HNRNPC: variants seen among roughly 807,000 people sequenced by gnomAD.
HNRNPC encodes heterogeneous nuclear ribonucleoproteins C1/C2.
Under a neutral mutation model 33.2 loss-of-function variants are expected in HNRNPC, and 3 were observed. The observed-to-expected ratio is 0.09, with a 90% CI of 0.04 to 0.23. The LOEUF (loss-of-function observed/expected upper bound fraction) is 0.23, where lower values mean the gene tolerates loss of function less well. HNRNPC is among the 10% of genes least tolerant of loss of function. The pLI, the probability that HNRNPC is intolerant of heterozygous loss-of-function variation, is 1.00. For synonymous variants in HNRNPC, 121 were observed against 126.7 expected, an observed-to-expected ratio of 0.96 and a Z score of 0.30; for missense variants, 143 against 366.7, an observed-to-expected ratio of 0.39 and a Z score of 4.98.
At chr14:21,260,680 T>G (rs1878083634) in intron 2 of HNRNPC, among the ~76,000 whole-genome samples, 1 of 151,814 alleles carries the variant, frequency 6.6e-6, no homozygotes, top group East Asian at 1.9e-4. Flanking sequence ...TAGAAAAATT[T>G]AAGGCCAGGT....
chr14:21,235,085 T>C (rs1894540543), intron 2 of HNRNPC, among the ~76,000 whole-genome samples: 1 of 152,158 alleles, frequency 6.6e-6, no homozygotes, highest in East Asian at 1.9e-4. Flanking sequence ...TATCTGTCTT[T>C]ATGTATGTGA....
At chr14:21,236,176 G>A (rs1486426136) in intron 2 of HNRNPC, among the ~76,000 whole-genome samples, 2 of 151,994 alleles carry the variant, frequency 1.3e-5, no homozygotes, top group Non-Finnish European at 2.9e-5. Flanking sequence ...GATCCACAAA[G>A]GAAAAACTCA....
At chr14:21,234,456 C>A (rs961310944) in intron 2 of HNRNPC, among the ~76,000 whole-genome samples, 1 of 152,018 alleles carries the variant, frequency 6.6e-6, no homozygotes, top group Admixed American at 6.6e-5. Flanking sequence ...TTCAGCAGCA[C>A]TAAACTCTAA....
intron 5 of HNRNPC, among the ~76,000 whole-genome samples, chr14:21,223,537 TCA>T (rs1294889942): frequency 1.3e-5 from 2 of 152,124 alleles, no homozygotes; most frequent in East Asian, 3.9e-4. Context: ...TCACTTGAGC[TCA>T]GGAGTTCAAG....
In HNRNPC at chr14:21,211,102, G is replaced by A. The variant is rs1218537816; in HGVS notation, c.*121C>T. On this transcript the variant is annotated 3_prime_UTR_variant, in exon 9 of 9. Transcript: ENST00000553300. ...TAATGAACATGGGAAGGACAAGGAT[G>A]GGGAGAACAGTGAGCATGTGCTGAA... 4 of 1,085,290 alleles carry A rather than the reference G, an allele frequency of 3.7e-6. No individual in the cohort carries two copies. Among genetic ancestry groups the A allele is most frequent in the Non-Finnish European group, 5.5e-6 (4 of 728,348 alleles). 67.2% of individuals were successfully genotyped at this position (1,085,290 alleles called of 1,614,324 possible).
intron 5 of HNRNPC, among the ~76,000 whole-genome samples, chr14:21,225,442 A>G (rs1893314159): frequency 6.7e-6 from 1 of 149,394 alleles, no homozygotes; most frequent in African/African-American, 2.4e-5. Flanking sequence ...AAAAAAAGGA[A>G]AAAAAAAAAC....
intron 2 of HNRNPC, among the ~76,000 whole-genome samples, chr14:21,243,177 G>C (rs934140276): frequency 6.6e-6 from 1 of 152,148 alleles, no homozygotes; most frequent in African/African-American, 2.4e-5. Context: ...TTTTTATCTA[G>C]ATAATTTTAC....
chr14:21,235,974 G>A (rs1894653877), intron 2 of HNRNPC, among the ~76,000 whole-genome samples: 1 of 152,150 alleles, frequency 6.6e-6, no homozygotes, highest in Non-Finnish European at 1.5e-5. Context: ...AAATACAGAT[G>A]TGATTGAAAG....
chr14:21,246,154 A>G (rs1895956136), intron 2 of HNRNPC, among the ~76,000 whole-genome samples: 1 of 152,110 alleles, frequency 6.6e-6, no homozygotes, highest in South Asian at 2.1e-4. Flanking sequence ...GGGCCATAAT[A>G]TATGTGGTCT....
rs71112557 is a variant in HNRNPC at position 21,218,681 on chromosome 14, CAAA to C, written c.366-5567_366-5565del. On this transcript the variant is annotated intron_variant, in intron 5 of 8. Coordinates refer to ENST00000553300, the MANE Select transcript of HNRNPC (RefSeq NM_004500.4). ...TGGGAGACAAAGCGAAACTCTCTCT[CAAA>C]AAAAAAAAAAAAAAAAAAAAAAAAC... Among the ~76,000 whole-genome samples, 374 of 51,212 alleles carry C rather than the reference CAAA, an allele frequency of 7.3e-3. 1 individual carries two copies. Among genetic ancestry groups the C allele is most frequent in the African/African-American group, 0.033 (319 of 9,670 alleles). 33.6% of individuals were successfully genotyped at this position (51,212 alleles called of 152,430 possible).
Position 21,266,701 on chromosome 14 carries a change from A to G in HNRNPC, c.-63+2597T>C, listed in dbSNP as rs1289783151. Among the ~76,000 whole-genome samples the G allele has an allele frequency of 2.0e-5, 3 of 150,836 alleles. No individual in the cohort carries two copies. In the East Asian group the frequency reaches 5.8e-4, roughly 29 times the overall value. On this transcript the variant is annotated intron_variant, in intron 1 of 8. Transcript: ENST00000553300. ...TTCCAATGAGAATACATGAATATGC[A>G]TATTAAGAGCAAATAATGCTCCCCA...
intron 2 of HNRNPC, among the ~76,000 whole-genome samples, chr14:21,262,251 A>G (rs1172116319): frequency 6.6e-6 from 1 of 152,250 alleles, no homozygotes; most frequent in Non-Finnish European, 1.5e-5. Flanking sequence ...AACCCAAGGA[A>G]TATGTTAAAT....
chr14:21,259,623 G>A (rs1235150845), intron 2 of HNRNPC, among the ~76,000 whole-genome samples: 1 of 152,152 alleles, frequency 6.6e-6, no homozygotes, highest in Middle Eastern at 3.4e-3. Flanking sequence ...CCAAATCTGT[G>A]TTCTTGTCCA....
intron 1 of HNRNPC, among the ~76,000 whole-genome samples, chr14:21,265,689 C>T (rs545831722): frequency 1.5e-4 from 23 of 152,250 alleles, no homozygotes; most frequent in African/African-American, 4.8e-4. Flanking sequence ...AGGCTGAGGG[C>T]ACCCCTTGAG....
At chr14:21,257,427 G>T (rs1275821487) in intron 2 of HNRNPC, among the ~76,000 whole-genome samples, 1 of 151,906 alleles carries the variant, frequency 6.6e-6, no homozygotes, top group East Asian at 1.9e-4. Context: ...TGGTTAAATG[G>T]AACCAACAGG....
chr14:21,249,458 G>A lies in HNRNPC; in HGVS notation c.-37+13853C>T, dbSNP rs375819299. On this transcript the variant is annotated intron_variant, in intron 2 of 8. Coordinates refer to ENST00000553300, the MANE Select transcript of HNRNPC (RefSeq NM_004500.4). ...AAAAATTAGCCAGGTGTGGTGGCAC[G>A]TGCCTGTAATCCCAGCTACTTGGGA... is the stretch of plus-strand genomic sequence containing the variant. Among the ~76,000 whole-genome samples the A allele has an allele frequency of 7.9e-5, 12 of 151,202 alleles. No homozygotes were observed. In the South Asian group the frequency reaches 2.3e-3, roughly 29 times the overall value.
chr14:21,214,300 G>A (rs2139464539), intron 5 of HNRNPC, among the ~76,000 whole-genome samples: 1 of 152,250 alleles, frequency 6.6e-6, no homozygotes, highest in East Asian at 1.9e-4. Flanking sequence ...ATATACAATA[G>A]TGGCAAGTTA....
intron 5 of HNRNPC, among the ~76,000 whole-genome samples, chr14:21,215,117 T>C (rs1892019825): frequency 6.6e-6 from 1 of 152,168 alleles, no homozygotes; most frequent in Non-Finnish European, 1.5e-5. Flanking sequence ...ATGAACACAA[T>C]TAGGAGTCAA....
intron 4 of HNRNPC, 190 bp from the exon 5 acceptor site, chr14:21,230,556 T>C (rs552973753): frequency 3.7e-6 from 2 of 546,708 alleles, no homozygotes; most frequent in South Asian, 2.5e-5. Context: ...AATGTAGCGG[T>C]CAAATTGGAA....
Sources: gnomAD v4.1 joint callset for allele counts (sites outside exome capture counted in the v4.1 genomes callset) on GRCh38, gnomAD v4.1.1 for gene constraint, MANE v1.5 for transcripts, NCBI Gene and HGNC (gene_info 2026-07-23, HGNC 2026-07-21) for gene names.